LUC7L2: variants seen among roughly 807,000 people sequenced by gnomAD.
The protein encoded by LUC7L2 is putative RNA-binding protein Luc7-like 2.
LUC7L2 carries 25 observed loss-of-function variants against 52.8 expected under a neutral mutation model. That is an observed-to-expected ratio of 0.47 (90% CI 0.34 to 0.66). LUC7L2 has a LOEUF of 0.66. Ranked by LOEUF, LUC7L2 falls within the 30% of genes least tolerant of loss-of-function variation. The pLI is 0.01. For missense variants in LUC7L2, 328 were observed against 497.8 expected, an observed-to-expected ratio of 0.66 and a Z score of 3.25; for synonymous variants, 144 against 160.9, an observed-to-expected ratio of 0.89 and a Z score of 0.80.
At chr7:139,361,157 G>A (rs1799862255) in intron 1 of LUC7L2, among the ~76,000 whole-genome samples, 1 of 152,218 alleles carries the variant, frequency 6.6e-6, no homozygotes, top group Admixed American at 6.5e-5. Flanking sequence ...TAAATAAAAT[G>A]ATGAAATGCT....
At chr7:139,345,310 C>T (rs1268242295) in intron 1 of LUC7L2, among the ~76,000 whole-genome samples, 1 of 152,178 alleles carries the variant, frequency 6.6e-6, no homozygotes, top group African/African-American at 2.4e-5. Flanking sequence ...AAAATCCGAA[C>T]TAGAGGTCAG....
intron 1 of LUC7L2, chr7:139,345,378 T>C: frequency 2.9e-6 from 4 of 1,401,678 alleles, no homozygotes; most frequent in Non-Finnish European, 3.8e-6. Context: ...TGTATATACA[T>C]ACATGTCTGT....
chr7:139,417,825 G>A (rs1447649534), intron 9 of LUC7L2, 96 bp downstream of exon 9: 8 of 1,454,088 alleles, frequency 5.5e-6, no homozygotes, highest in African/African-American at 1.4e-5. Context: ...TCAGATTATT[G>A]GTTTGAAACT....
chr7:139,348,286 C>T (rs1175904926), intron 1 of LUC7L2, among the ~76,000 whole-genome samples: 1 of 151,368 alleles, frequency 6.6e-6, no homozygotes, highest in East Asian at 1.9e-4. Context: ...GATCCTCCCA[C>T]CTAGGACTCC....
At chr7:139,341,168 C>T in intron 1 of LUC7L2, 1 of 688,948 alleles carries the variant, frequency 1.5e-6, no homozygotes, top group Non-Finnish European at 2.2e-6. Flanking sequence ...CTGGTACCTT[C>T]AGTTAACAGT....
At chr7:139,353,412 T>C (rs961976958) in intron 1 of LUC7L2, among the ~76,000 whole-genome samples, 2 of 152,256 alleles carry the variant, frequency 1.3e-5, no homozygotes, top group African/African-American at 4.8e-5. Flanking sequence ...AGTTTAATCC[T>C]ACTTTATATT....
At chr7:139,408,972 A>AC (rs1401570857) in intron 6 of LUC7L2, among the ~76,000 whole-genome samples, 4 of 151,220 alleles carry the variant, frequency 2.6e-5, no homozygotes, top group Admixed American at 6.6e-5. Context: ...ACATGGTGAA[A>AC]CCCCATCTCC....
intron 2 of LUC7L2, among the ~76,000 whole-genome samples, chr7:139,385,670 A>C (rs1026677923): frequency 2.6e-5 from 4 of 152,330 alleles, no homozygotes; most frequent in Non-Finnish European, 5.9e-5. Context: ...AGTTATTCCC[A>C]AACAAAGTAG....
chr7:139,402,379 C>A, intron 4 of LUC7L2, 132 bp downstream of exon 4: 1 of 844,536 alleles, frequency 1.2e-6, no homozygotes, highest in Non-Finnish European at 1.7e-6. Context: ...ACTTTCTTGT[C>A]TGCCCCAGTG....
At position 139,360,083 on chromosome 7, in the gene LUC7L2, G is replaced by C; in HGVS notation, c.-179G>C. On this transcript the variant is annotated 5_prime_UTR_variant, in exon 1 of 10. Transcript: ENST00000354926. ...TGTCGTCTTCCACGTACACGTCGTC[G>C]TGAGGAGCGCAGTCCGGACTCTTCC... The C allele has an allele frequency of 1.8e-6, 1 of 551,718 alleles. No individual in the cohort carries two copies. The highest frequency in any genetic ancestry group is 3.2e-6 in the Non-Finnish European group (1 of 312,516). 34.2% of individuals were successfully genotyped at this position (551,718 alleles called of 1,614,324 possible). A position where few individuals can be genotyped will look rare whatever the true frequency, so the allele number is the denominator to read the frequency against.
At chr7:139,367,069 C>G (rs1393418591) in intron 1 of LUC7L2, among the ~76,000 whole-genome samples, 1 of 152,062 alleles carries the variant, frequency 6.6e-6, no homozygotes. Flanking sequence ...CTCCGCCTCT[C>G]GAGTTCAGGC....
chr7:139,412,516 C>T, intron 7 of LUC7L2, 35 bp from the exon 8 acceptor site: 1 of 1,574,340 alleles, frequency 6.4e-7, no homozygotes, highest in Non-Finnish European at 8.6e-7. Flanking sequence ...TTATTTATAG[C>T]CACTTTTCTA....
intron 2 of LUC7L2, among the ~76,000 whole-genome samples, chr7:139,394,272 A>G (rs185583137): frequency 5.5e-4 from 84 of 152,330 alleles, no homozygotes; most frequent in African/African-American, 1.4e-3. Flanking sequence ...TTTATTCAAC[A>G]TAGGCACATC....
intron 1 of LUC7L2, among the ~76,000 whole-genome samples, chr7:139,346,946 CT>C (rs1799288028): frequency 6.6e-6 from 1 of 152,328 alleles, no homozygotes; most frequent in Non-Finnish European, 1.5e-5. Flanking sequence ...TAATAACCTT[CT>C]CCTCGTCTGT....
chr7:139,367,445 C>T (rs17160877), intron 1 of LUC7L2, among the ~76,000 whole-genome samples: 1 of 152,066 alleles, frequency 6.6e-6, no homozygotes, highest in Non-Finnish European at 1.5e-5. Flanking sequence ...CTTAGGGTTC[C>T]TGTGCTAAAA....
At chr7:139,359,669 G>A, upstream of LUC7L2, 3 of 397,856 alleles carry the variant, frequency 7.5e-6, no homozygotes, top group Middle Eastern at 6.3e-4. Context: ...AGCCGGGAGG[G>A]AATGTAATGT....
intron 2 of LUC7L2, among the ~76,000 whole-genome samples, chr7:139,393,842 A>C (rs902809433): frequency 3.9e-5 from 6 of 152,236 alleles, no homozygotes; most frequent in Non-Finnish European, 7.3e-5. Context: ...ATAGATGACT[A>C]GTATTCTGAA....
At chr7:139,399,972 A>G (rs1401803594) in intron 3 of LUC7L2, among the ~76,000 whole-genome samples, 2 of 152,216 alleles carry the variant, frequency 1.3e-5, no homozygotes, top group Non-Finnish European at 2.9e-5. Context: ...GATACATTTT[A>G]TAAGTGAAAT....
chr7:139,369,323 A>C (rs1800324228), intron 1 of LUC7L2, among the ~76,000 whole-genome samples: 1 of 152,200 alleles, frequency 6.6e-6, no homozygotes, highest in African/African-American at 2.4e-5. Flanking sequence ...AATTCTATAT[A>C]ACCTATTTTA....
Sources: gnomAD v4.1 joint callset for allele counts (sites outside exome capture counted in the v4.1 genomes callset) on GRCh38, gnomAD v4.1.1 for gene constraint, MANE v1.5 for transcripts, NCBI Gene and HGNC (gene_info 2026-07-23, HGNC 2026-07-21) for gene names.